The following PLEKHG3 variants were observed in gnomAD, a reference collection of about 807,000 sequenced individuals.
PLEKHG3 encodes pleckstrin homology domain-containing family G member 3.
Under a neutral mutation model 94.9 loss-of-function variants are expected in PLEKHG3, and 62 were observed. The observed-to-expected ratio is 0.65, with a 90% CI of 0.53 to 0.81. The LOEUF is 0.81. Ranked by LOEUF, PLEKHG3 falls within the 30% of genes least tolerant of loss-of-function variation. The pLI, the probability that PLEKHG3 is intolerant of heterozygous loss-of-function variation, is 0.00. For synonymous variants in PLEKHG3, 614 were observed against 654.0 expected (o/e 0.94, Z 0.93); for missense variants, 1,461 against 1,619.3 (o/e 0.90, Z 1.68).
chr14:64,736,525 C>A (rs2081572485), intron 12 of PLEKHG3, among the ~76,000 whole-genome samples: 1 of 152,192 alleles, frequency 6.6e-6, no homozygotes, highest in Non-Finnish European at 1.5e-5. Flanking sequence ...AAGGGGGTAG[C>A]ATGGAACTGA....
chr14:64,733,158 CTTTTTCTTTTTT>C (rs2081505839), intron 12 of PLEKHG3, among the ~76,000 whole-genome samples: 1 of 136,408 alleles, frequency 7.3e-6, no homozygotes, highest in Non-Finnish European at 1.5e-5. Flanking sequence ...CTTTTCTTTT[CTTTTTCTTTTTT>C]TTTTTTTTTT....
rs2139376632 is a variant in PLEKHG3 at position 64,725,425 on chromosome 14, A to G, written c.-39-2168A>G. ...GCCTGACTGCAGTGCACTTTGAAGG[A>G]CATCAGAGTGCCACAGGGCTGGGGG... On this transcript the variant is annotated intron_variant, in intron 1 of 16. Transcript: ENST00000247226. The surrounding 1 kb of genome is among the most constrained non-coding windows in gnomAD (Gnocchi z 5.0). Among the ~76,000 whole-genome samples the G allele has an allele frequency of 6.6e-6, 1 of 152,248 alleles. No individual in the cohort carries two copies. Among genetic ancestry groups the G allele is most frequent in the Admixed American group, 6.5e-5 (1 of 15,296 alleles).
rs2081158877 is a variant in PLEKHG3, at chr14:64,716,491, CA to C, written c.-39-11101del. Among the ~76,000 whole-genome samples, 1 of 95,090 alleles carries C rather than the reference CA, an allele frequency of 1.1e-5. No individual in the cohort carries two copies. Among genetic ancestry groups the C allele is most frequent in the Non-Finnish European group, 2.2e-5 (1 of 46,122 alleles). 62.4% of individuals were successfully genotyped at this position (95,090 alleles called of 152,430 possible). On this transcript the variant is annotated intron_variant, in intron 1 of 16. Transcript: ENST00000247226. This position sits in a 1 kb window ranked among gnomAD's most constrained non-coding sequence, Gnocchi z 5.0. ...AACACACACACACACAACACACACA[CA>C]CACAACACACACACACACACACACA...
intron 1 of PLEKHG3, among the ~76,000 whole-genome samples, chr14:64,711,544 G>A (rs1314695781): frequency 1.3e-5 from 2 of 151,896 alleles, no homozygotes; most frequent in Non-Finnish European, 2.9e-5. Context: ...CTCCCGAGTA[G>A]CTGGGACTAC....
chr14:64,742,728 C>T (rs1482533761), intron 16 of PLEKHG3, among the ~76,000 whole-genome samples: 1 of 152,226 alleles, frequency 6.6e-6, no homozygotes, highest in Non-Finnish European at 1.5e-5. Context: ...CCCCAGGCCC[C>T]TCCTTTAGCA....
intron 1 of PLEKHG3, among the ~76,000 whole-genome samples, chr14:64,712,615 C>T (rs980690342): frequency 6.6e-6 from 1 of 152,108 alleles, no homozygotes; most frequent in African/African-American, 2.4e-5. Context: ...TTTATGATTG[C>T]TCATTGCTAG....
In PLEKHG3 at chr14:64,728,955, T is replaced by C. The variant is rs1285526514; in HGVS notation, c.352-41T>C. 2 of 785,340 alleles carry C rather than the reference T, an allele frequency of 2.5e-6. No homozygotes were observed. The highest frequency in any genetic ancestry group is 2.1e-6 in the Non-Finnish European group (1 of 468,786). The allele number at this position is 785,340 out of a possible 1,614,324, so 48.6% of individuals were successfully genotyped here. A position where few individuals can be genotyped will look rare whatever the true frequency, so the allele number is the denominator to read the frequency against. On this transcript the variant is annotated intron_variant, in intron 2 of 16. Transcript: ENST00000247226. This position sits in a 1 kb window ranked among gnomAD's most constrained non-coding sequence, Gnocchi z 5.9. ...TGGCTAGGGAAGGTAGTGGGCAGGGTTGTGCCGGGGGCTAGGTTCTGACCA... is the reference window on the plus strand; with the variant it reads ...TGGCTAGGGAAGGTAGTGGGCAGGGCTGTGCCGGGGGCTAGGTTCTGACCA...
chr14:64,727,767 G>T lies in PLEKHG3; in HGVS notation c.136G>T (p.Ala46Ser). 2 of 1,611,558 alleles carry T rather than the reference G, an allele frequency of 1.2e-6. No homozygotes were observed. Among genetic ancestry groups the T allele is most frequent in the Non-Finnish European group, 1.7e-6 (2 of 1,178,578 alleles). Residue 46 changes from alanine (A) to serine (S), a missense_variant, in exon 2 of 17, where the codon GCC becomes TCC. Physicochemically the swap from Ala to Ser is moderately conservative, Grantham distance 99. Around this residue, in one of 3 missense-constraint regions of PLEKHG3, gnomAD observed 253 missense variants for 297.8 expected, o/e 0.85. Coordinates refer to ENST00000247226, the MANE Select transcript of PLEKHG3 (RefSeq NM_001308147.2). This position sits in a 1 kb window ranked among gnomAD's most constrained non-coding sequence, Gnocchi z 6.0. ...MEEPSSSEAP[A>S]KNGAGSLRSR... ...GGAGCCCAGCAGCTCCGAGGCTCCC[G>T]CCAAGAATGGGGCAGGCTCCCTGAG...
Position 64,723,100 on chromosome 14 carries a change from T to G in PLEKHG3, c.-39-4493T>G, listed in dbSNP as rs1223370071. Among the ~76,000 whole-genome samples, 1 of 152,202 alleles carries G rather than the reference T, an allele frequency of 6.6e-6. No individual in the cohort carries two copies. The highest frequency in any genetic ancestry group is 1.5e-5 in the Non-Finnish European group (1 of 68,042). ...ATCCAGGGGCCTGCTGTAGCCTGCC[T>G]GCCTCTGCACCTGCAATATTCAGGG... On this transcript the variant is annotated intron_variant, in intron 1 of 16. Coordinates refer to ENST00000247226, the MANE Select transcript of PLEKHG3 (RefSeq NM_001308147.2). The surrounding 1 kb of genome is among the most constrained non-coding windows in gnomAD (Gnocchi z 4.5).
chr14:64,731,850 A>G lies in PLEKHG3; in HGVS notation c.1125+44A>G, dbSNP rs1489071726. On this transcript the variant is annotated intron_variant, in intron 9 of 16. Transcript: ENST00000247226. This position sits in a 1 kb window ranked among gnomAD's most constrained non-coding sequence, Gnocchi z 6.1. ...TCAGGGGCTAGGGAACAAGATGCCC[A>G]GGGGACACCTGCGTGGGACTCCTGG... is the stretch of plus-strand genomic sequence containing the variant. 3 of 1,387,588 alleles carry G rather than the reference A, an allele frequency of 2.2e-6. No homozygotes were observed. 86.0% of individuals were successfully genotyped at this position (1,387,588 alleles called of 1,614,324 possible).
rs968791229 is a variant in PLEKHG3, at chr14:64,746,873, G to C, written c.*3170G>C. On this transcript the variant is annotated 3_prime_UTR_variant, in exon 17 of 17. Transcript: ENST00000247226. The surrounding 1 kb of genome is among the most constrained non-coding windows in gnomAD (Gnocchi z 4.9). The stretch of plus-strand genomic sequence containing the variant: ...CGTTTGGGAATACTGTCAAAAGACT[G>C]TAGAGTAGAATAAGGAGAGAAAAAA... 6.6e-6 allele frequency: 1 copy of C among 152,114 alleles called. No individual in the cohort carries two copies. Among genetic ancestry groups the C allele is most frequent in the Admixed American group, 6.6e-5 (1 of 15,250 alleles). The allele number at this position is 152,114 out of a possible 1,614,324, so 9.4% of individuals were successfully genotyped here.
rs229625 is a variant in PLEKHG3 at position 64,730,425 on chromosome 14, C to G, written c.519+113C>G. On this transcript the variant is annotated intron_variant, in intron 4 of 16. Transcript: ENST00000247226. The surrounding 1 kb of genome is among the most constrained non-coding windows in gnomAD (Gnocchi z 5.4). Reference sequence around the variant, plus strand: ...CTGGGGATTCCTTTCCAGGGAAAGTCCTGGGTGCTCTATCTTGAATGAGAA... The same window carrying G: ...CTGGGGATTCCTTTCCAGGGAAAGTGCTGGGTGCTCTATCTTGAATGAGAA... 0.23 allele frequency: 184,002 copies of G among 801,864 alleles called. 22,710 individuals carry two copies. The highest frequency in any genetic ancestry group is 0.33 in the African/African-American group (19,672 of 59,044). The allele number at this position is 801,864 out of a possible 1,614,324, so 49.7% of individuals were successfully genotyped here.
In PLEKHG3 at chr14:64,722,406, C is replaced by G. The variant is rs2081277452; in HGVS notation, c.-39-5187C>G. On this transcript the variant is annotated intron_variant, in intron 1 of 16. Coordinates refer to ENST00000247226, the MANE Select transcript of PLEKHG3 (RefSeq NM_001308147.2). The surrounding 1 kb of genome is among the most constrained non-coding windows in gnomAD (Gnocchi z 4.3). ...GTATTTTTAGTAGAGATGGGGTTTC[C>G]TCATATTGGTCAGGCTGGTCTCAAA... 2.0e-5 allele frequency among the ~76,000 whole-genome samples: 3 copies of G among 152,030 alleles called. No individual in the cohort carries two copies. Among genetic ancestry groups the G allele is most frequent in the Admixed American group, 1.3e-4 (2 of 15,256 alleles).
chr14:64,749,254 G>A lies in PLEKHG3; in HGVS notation c.*5551G>A, dbSNP rs2081902336. Reference sequence around the variant, plus strand: ...GCGGCGAGAGGAGGCCAAGGCCTGGGCTGCCCGGTCTCTGCGCGTCCCGAC... The same window carrying A: ...GCGGCGAGAGGAGGCCAAGGCCTGGACTGCCCGGTCTCTGCGCGTCCCGAC... On this transcript the variant is annotated 3_prime_UTR_variant, in exon 17 of 17. Coordinates refer to ENST00000247226, the MANE Select transcript of PLEKHG3 (RefSeq NM_001308147.2). This position sits in a 1 kb window ranked among gnomAD's most constrained non-coding sequence, Gnocchi z 4.7. 2.0e-6 allele frequency: 3 copies of A among 1,536,310 alleles called. No homozygotes were observed. The highest frequency in any genetic ancestry group is 2.4e-5 in the East Asian group (1 of 40,900).
At position 64,728,924 on chromosome 14, in the gene PLEKHG3, G is replaced by A. The variant is rs1174205229; in HGVS notation, c.352-72G>A. ...AGTGGTGTTACAGCAGGGCCGAAAC[G>A]AGGTGTGGCTAGGGAAGGTAGTGGG... On this transcript the variant is annotated intron_variant, in intron 2 of 16. Coordinates refer to ENST00000247226, the MANE Select transcript of PLEKHG3 (RefSeq NM_001308147.2). The surrounding 1 kb of genome is among the most constrained non-coding windows in gnomAD (Gnocchi z 5.9). 3.9e-5 allele frequency: 24 copies of A among 611,112 alleles called. No individual in the cohort carries two copies. Among genetic ancestry groups the A allele is most frequent in the Non-Finnish European group, 7.1e-5 (24 of 338,020 alleles). The allele number at this position is 611,112 out of a possible 1,614,324, so 37.9% of individuals were successfully genotyped here. A position where few individuals can be genotyped will look rare whatever the true frequency, so the allele number is the denominator to read the frequency against.
rs2081466418 is a variant in PLEKHG3 at position 64,731,610 on chromosome 14, C to T, written c.1032+67C>T. 5.1e-6 allele frequency: 8 copies of T among 1,554,292 alleles called. No homozygotes were observed. The highest frequency in any genetic ancestry group is 6.2e-6 in the Non-Finnish European group (7 of 1,126,154). The stretch of plus-strand genomic sequence containing the variant: ...TTCCCAAAGGATCTGGGCTCCCCTT[C>T]TTGTCTGCTTCTTGGGGCTCCAGCA... On this transcript the variant is annotated intron_variant, in intron 8 of 16. Transcript: ENST00000247226. This position sits in a 1 kb window ranked among gnomAD's most constrained non-coding sequence, Gnocchi z 6.1.
chr14:64,720,120 A>G lies in PLEKHG3; in HGVS notation c.-39-7473A>G, dbSNP rs2081237474. ...TTGGCTTTAGCATATGTTTACATGA[A>G]ACTTCCTGGCAGATTGCTTTTCCTG... is the stretch of plus-strand genomic sequence containing the variant. On this transcript the variant is annotated intron_variant, in intron 1 of 16. Coordinates refer to ENST00000247226, the MANE Select transcript of PLEKHG3 (RefSeq NM_001308147.2). This position sits in a 1 kb window ranked among gnomAD's most constrained non-coding sequence, Gnocchi z 4.1. 6.6e-6 allele frequency among the ~76,000 whole-genome samples: 1 copy of G among 152,228 alleles called. No homozygotes were observed. Among genetic ancestry groups the G allele is most frequent in the African/African-American group, 2.4e-5 (1 of 41,450 alleles).
At chr14:64,719,408 C>T (rs1292162259) in intron 1 of PLEKHG3, among the ~76,000 whole-genome samples, 1 of 152,010 alleles carries the variant, frequency 6.6e-6, no homozygotes, top group Admixed American at 6.5e-5. Flanking sequence ...CTTGTGTCAT[C>T]TCAACCTTGG....
chr14:64,717,112 CGTGTGTGTGT>C lies in PLEKHG3; in HGVS notation c.-39-10453_-39-10444del, dbSNP rs3063751. Among the ~76,000 whole-genome samples the C allele has an allele frequency of 1.2e-3, 170 of 144,370 alleles. No individual in the cohort carries two copies. Among genetic ancestry groups the C allele is most frequent in the Non-Finnish European group, 1.8e-3 (120 of 65,824 alleles). 94.7% of individuals were successfully genotyped at this position (144,370 alleles called of 152,430 possible). A position where few individuals can be genotyped will look rare whatever the true frequency, so the allele number is the denominator to read the frequency against. The stretch of plus-strand genomic sequence containing the variant: ...GGCTGGCCGCCTTTGGGAATTTACA[CGTGTGTGTGT>C]GTGTGTGTGTGTGTGTGTGTGTGTG... On this transcript the variant is annotated intron_variant, in intron 1 of 16. Transcript: ENST00000247226. The surrounding 1 kb of genome is among the most constrained non-coding windows in gnomAD (Gnocchi z 4.7).
Sources: allele counts gnomAD v4.1 joint callset (sites outside exome capture counted in the v4.1 genomes callset), GRCh38; gene constraint gnomAD v4.1.1; regional missense constraint gnomAD v4.1.1; non-coding constraint Gnocchi (gnomAD v3.1); transcripts MANE v1.5; gene names NCBI Gene and HGNC (gene_info 2026-07-23, HGNC 2026-07-21).